Variants in SLC2A13 observed in about 807,000 individuals in gnomAD.
SLC2A13 encodes the protein proton myo-inositol cotransporter.
In SLC2A13, 32 loss-of-function variants were observed where a neutral mutation model predicts 64.4. That is an observed-to-expected ratio of 0.50 (90% CI 0.37 to 0.67). The LOEUF (loss-of-function observed/expected upper bound fraction) is 0.67. SLC2A13 is among the 30% of genes least tolerant of loss of function. The pLI, the probability that SLC2A13 is intolerant of heterozygous loss-of-function variation, is 0.00. For missense variants in SLC2A13, 743 were observed against 829.2 expected (o/e 0.90, Z 1.28); for synonymous variants, 338 against 327.1 (o/e 1.03, Z -0.36).
intron 4 of SLC2A13, among the ~76,000 whole-genome samples, chr12:39,914,318 G>C (rs1592279306): frequency 6.6e-6 from 1 of 151,984 alleles, no homozygotes; most frequent in African/African-American, 2.4e-5. Context: ...AACAGTGGTG[G>C]AATAACAGGT....
At chr12:39,824,359 T>C (rs1017112864) in intron 7 of SLC2A13, among the ~76,000 whole-genome samples, 15 of 151,998 alleles carry the variant, frequency 9.9e-5, no homozygotes, top group African/African-American at 3.6e-4. Context: ...CTCTTACAAG[T>C]TGGATAATGG....
intron 3 of SLC2A13, among the ~76,000 whole-genome samples, chr12:39,965,046 A>G (rs892122896): frequency 6.6e-6 from 1 of 152,198 alleles, no homozygotes; most frequent in African/African-American, 2.4e-5. Context: ...CAATAAAACA[A>G]TCAGATACAA....
chr12:39,924,879 T>C (rs904416651), intron 4 of SLC2A13, among the ~76,000 whole-genome samples: 3 of 152,076 alleles, frequency 2.0e-5, no homozygotes, highest in Non-Finnish European at 4.4e-5. Flanking sequence ...ATAAGTTTCT[T>C]TGTCTATGTA....
At chr12:40,086,977 C>T (rs1280703287) in intron 1 of SLC2A13, among the ~76,000 whole-genome samples, 1 of 152,182 alleles carries the variant, frequency 6.6e-6, no homozygotes, top group Non-Finnish European at 1.5e-5. Context: ...AACTCTACAA[C>T]CTTACCTCCC....
At chr12:39,860,046 T>C (rs1419973015) in intron 6 of SLC2A13, among the ~76,000 whole-genome samples, 1 of 152,114 alleles carries the variant, frequency 6.6e-6, no homozygotes, top group Non-Finnish European at 1.5e-5. Context: ...TTGAAAGGAA[T>C]AGAAAAAGAA....
intron 1 of SLC2A13, among the ~76,000 whole-genome samples, chr12:40,049,663 C>T (rs559720925): frequency 1.3e-5 from 2 of 152,174 alleles, no homozygotes; most frequent in South Asian, 4.2e-4. Flanking sequence ...TCTCCTAATG[C>T]CATAACAGTT....
At chr12:39,814,977 CT>C (rs927720847) in intron 7 of SLC2A13, among the ~76,000 whole-genome samples, 68 of 146,444 alleles carry the variant, frequency 4.6e-4, no homozygotes, top group East Asian at 6.0e-4. Flanking sequence ...TCTTCTTACA[CT>C]TTTTTTTTTT....
intron 4 of SLC2A13, among the ~76,000 whole-genome samples, chr12:39,896,645 AAAAC>A (rs1434784775): frequency 6.6e-6 from 1 of 151,716 alleles, no homozygotes; most frequent in African/African-American, 2.4e-5. Context: ...CTTCTGGAAG[AAAAC>A]AACACTGCTC....
intron 3 of SLC2A13, among the ~76,000 whole-genome samples, chr12:39,978,834 G>C (rs936641176): frequency 6.6e-6 from 1 of 151,750 alleles, no homozygotes; most frequent in Admixed American, 6.6e-5. Flanking sequence ...GCTCAAGGAG[G>C]CCTGCCTGCC....
At chr12:39,942,591 T>A (rs1477484286) in intron 4 of SLC2A13, among the ~76,000 whole-genome samples, 2 of 152,216 alleles carry the variant, frequency 1.3e-5, no homozygotes. Flanking sequence ...AATTATTTTA[T>A]CAGTTCTCAG....
At chr12:40,085,623 C>A (rs539462449) in intron 1 of SLC2A13, among the ~76,000 whole-genome samples, 2 of 152,322 alleles carry the variant, frequency 1.3e-5, no homozygotes, top group East Asian at 3.9e-4. Context: ...TGTTTTTATA[C>A]TCACAGTGTC....
At chr12:39,800,407 C>A (rs1299990139) in intron 7 of SLC2A13, among the ~76,000 whole-genome samples, 3 of 150,242 alleles carry the variant, frequency 2.0e-5, no homozygotes, top group Middle Eastern at 3.4e-3. Context: ...AAGAAAAAAA[C>A]AAACAACCCC....
At chr12:40,011,787 T>C (rs1446316623) in intron 3 of SLC2A13, among the ~76,000 whole-genome samples, 1 of 152,206 alleles carries the variant, frequency 6.6e-6, no homozygotes, top group Non-Finnish European at 1.5e-5. Context: ...CAGCCAGTTG[T>C]GGTTGCCTAA....
intron 4 of SLC2A13, among the ~76,000 whole-genome samples, chr12:39,912,832 G>A (rs1280459926): frequency 1.3e-5 from 2 of 151,992 alleles, no homozygotes; most frequent in Non-Finnish European, 2.9e-5. Context: ...GATTTTTGTT[G>A]ACTTTCTTTT....
intron 1 of SLC2A13, among the ~76,000 whole-genome samples, chr12:40,078,058 G>A (rs761672707): frequency 2.0e-5 from 3 of 152,166 alleles, no homozygotes; most frequent in Middle Eastern, 3.4e-3. Context: ...TGGAGAGAGA[G>A]TATGGGGTTT....
intron 1 of SLC2A13, among the ~76,000 whole-genome samples, chr12:40,090,093 T>C (rs1938713200): frequency 6.6e-6 from 1 of 152,212 alleles, no homozygotes; most frequent in Non-Finnish European, 1.5e-5. Context: ...ATATATTCAA[T>C]GAAAGAGGAG....
chr12:39,957,141 CA>C (rs982110565), intron 3 of SLC2A13, among the ~76,000 whole-genome samples: 2 of 152,128 alleles, frequency 1.3e-5, no homozygotes, highest in African/African-American at 4.8e-5. Context: ...GCCTTATGAA[CA>C]ATTTCCTATC....
intron 2 of SLC2A13, among the ~76,000 whole-genome samples, chr12:40,038,746 A>C (rs1948031987): frequency 7.6e-6 from 1 of 131,204 alleles, no homozygotes; most frequent in African/African-American, 2.9e-5. Context: ...AAAAAAAAAG[A>C]AAGAAAAGAA....
intron 7 of SLC2A13, among the ~76,000 whole-genome samples, chr12:39,804,153 G>C (rs994833306): frequency 7.9e-5 from 12 of 152,170 alleles, no homozygotes; most frequent in African/African-American, 2.7e-4. Flanking sequence ...TCTTATTTAG[G>C]AGACAAACCC....
Sources: gnomAD v4.1 joint callset for allele counts (sites outside exome capture counted in the v4.1 genomes callset) on GRCh38, gnomAD v4.1.1 for gene constraint, MANE v1.5 for transcripts, NCBI Gene and HGNC (gene_info 2026-07-23, HGNC 2026-07-21) for gene names.